PTPRN2: variants seen among roughly 807,000 people sequenced by gnomAD.
The protein encoded by PTPRN2 is protein tyrosine phosphatase receptor type N2.
A neutral mutation model predicts 118.8 loss-of-function variants in PTPRN2; 74 were observed. That is an observed-to-expected ratio of 0.62 (90% CI 0.52 to 0.76). PTPRN2 has a LOEUF of 0.76. PTPRN2 is among the 30% of genes least tolerant of loss of function. The pLI is 0.00. For synonymous variants in PTPRN2, 641 were observed against 608.0 expected (o/e 1.05, Z -0.80); for missense variants, 1,481 against 1,394.4 (o/e 1.06, Z -0.99).
Position 157,596,391 on chromosome 7 carries a change from C to T in PTPRN2, c.2419-1076G>A, listed in dbSNP as rs190539346. ...ACAAAGAGGGCAGGTGTGGGCTCTC[C>T]GGCTCCCCAGTTTGTCCGAACGCAT... On this transcript the variant is annotated intron_variant, in intron 16 of 22. Coordinates refer to ENST00000389418, the MANE Select transcript of PTPRN2 (RefSeq NM_002847.5). The surrounding 1 kb of genome is among the most constrained non-coding windows in gnomAD (Gnocchi z 4.2). Among the ~76,000 whole-genome samples, 11 of 152,296 alleles carry T rather than the reference C, an allele frequency of 7.2e-5. No individual in the cohort carries two copies. The highest frequency in any genetic ancestry group is 2.2e-4 in the African/African-American group (9 of 41,558).
At chr7:158,417,063 A>G (rs11983338) in intron 2 of PTPRN2, among the ~76,000 whole-genome samples, 66,616 of 151,046 alleles carry the variant, frequency 0.44, 15,794 homozygotes, top group East Asian at 0.76. Flanking sequence ...GCACTACATC[A>G]AGATGCTGCA....
chr7:158,034,111 C>G (rs1029140807), intron 11 of PTPRN2, among the ~76,000 whole-genome samples: 6 of 145,866 alleles, frequency 4.1e-5, no homozygotes, highest in African/African-American at 1.5e-4. Context: ...CAGCAATGCT[C>G]TGCGTGTGGC....
At chr7:158,209,906 CT>C (rs1313917927) in intron 3 of PTPRN2, among the ~76,000 whole-genome samples, 2 of 152,124 alleles carry the variant, frequency 1.3e-5, no homozygotes, top group African/African-American at 4.8e-5. Context: ...ATTTTGGAAA[CT>C]ATACAAACAC....
intron 11 of PTPRN2, among the ~76,000 whole-genome samples, chr7:158,008,007 C>T (rs771074616): frequency 8.6e-6 from 1 of 116,542 alleles, no homozygotes. Context: ...TACTTGTGCA[C>T]GTGTGAGTGT....
At chr7:158,257,450 G>A (rs556434068) in intron 3 of PTPRN2, among the ~76,000 whole-genome samples, 1 of 152,298 alleles carries the variant, frequency 6.6e-6, no homozygotes, top group African/African-American at 2.4e-5. Flanking sequence ...TCTTTTTCTT[G>A]TTACTCTGAC....
Position 157,687,596 on chromosome 7 carries a change from C to A in PTPRN2, c.1789-4659G>T, listed in dbSNP as rs957774155. On this transcript the variant is annotated intron_variant, in intron 12 of 22. Transcript: ENST00000389418. ...CATTTAAATTACTAAATTATAAATA[C>A]CTTTTTCTCTTAAAACTTAGAAGTC... Among the ~76,000 whole-genome samples, 6 of 152,172 alleles carry A rather than the reference C, an allele frequency of 3.9e-5. 1 individual carries two copies. Among genetic ancestry groups the A allele is most frequent in the Admixed American group, 1.3e-4 (2 of 15,282 alleles).
chr7:158,347,760 GC>G (rs1807624480), intron 2 of PTPRN2, among the ~76,000 whole-genome samples: 1 of 152,122 alleles, frequency 6.6e-6, no homozygotes, highest in African/African-American at 2.4e-5. Context: ...CTATTTATTT[GC>G]CTTGTCTTCC....
intron 16 of PTPRN2, among the ~76,000 whole-genome samples, chr7:157,599,891 A>C (rs1467419931): frequency 3.6e-5 from 4 of 111,766 alleles, no homozygotes; most frequent in African/African-American, 1.1e-4. Flanking sequence ...CCACCTGCCC[A>C]CCTCTCCACC....
At chr7:158,302,450 A>T (rs561110933) in intron 3 of PTPRN2, among the ~76,000 whole-genome samples, 5 of 152,286 alleles carry the variant, frequency 3.3e-5, no homozygotes, top group South Asian at 2.1e-4. Flanking sequence ...GGTCCTCTTA[A>T]ACTGCATTCC....
At chr7:158,407,219 T>C (rs878999061) in intron 2 of PTPRN2, among the ~76,000 whole-genome samples, 1,790 of 31,362 alleles carry the variant, frequency 0.057, 78 homozygotes, top group Non-Finnish European at 0.079. Flanking sequence ...TCCTGCGTCC[T>C]GCGTCCTGGG....
At chr7:157,952,393 G>A (rs1390065291) in intron 11 of PTPRN2, among the ~76,000 whole-genome samples, 3 of 134,138 alleles carry the variant, frequency 2.2e-5, no homozygotes, top group Admixed American at 7.3e-5. Flanking sequence ...TGGGTAGTGT[G>A]CATCCCTGAG....
At chr7:158,146,961 C>A (rs1585617519) in intron 6 of PTPRN2, among the ~76,000 whole-genome samples, 5 of 143,884 alleles carry the variant, frequency 3.5e-5, no homozygotes, top group South Asian at 2.3e-4. Context: ...TCAATGACAC[C>A]CCATCTCACG....
chr7:157,693,116 G>A (rs999215059), intron 12 of PTPRN2, among the ~76,000 whole-genome samples: 2 of 151,868 alleles, frequency 1.3e-5, no homozygotes, highest in African/African-American at 2.4e-5. Flanking sequence ...GGACTCGGGA[G>A]CCGGGGCGGG....
chr7:158,123,077 T>G (rs530795826), intron 9 of PTPRN2, among the ~76,000 whole-genome samples: 2 of 152,246 alleles, frequency 1.3e-5, no homozygotes, highest in Admixed American at 1.3e-4. Context: ...GAGCCAAATG[T>G]GAAGGGAAAA....
chr7:158,506,249 AG>A (rs976060119), intron 1 of PTPRN2, among the ~76,000 whole-genome samples: 60 of 152,332 alleles, frequency 3.9e-4, no homozygotes, highest in Non-Finnish European at 2.5e-4. Context: ...GACACACACA[AG>A]GAAGTCCCCT....
At chr7:158,007,310 G>T (rs574180545) in intron 11 of PTPRN2, among the ~76,000 whole-genome samples, 6 of 152,320 alleles carry the variant, frequency 3.9e-5, no homozygotes, top group African/African-American at 1.2e-4. Flanking sequence ...GGTGCTGGGG[G>T]TGGGCAGGAA....
Position 157,815,463 on chromosome 7 carries a change from A to C in PTPRN2, c.1788+83210T>G, listed in dbSNP as rs191499405. Among the ~76,000 whole-genome samples, 1,262 of 152,306 alleles carry C rather than the reference A, an allele frequency of 8.3e-3. 70 individuals carry two copies. The South Asian group carries it at 0.15, about 18-fold the overall frequency. Reference sequence around the variant, plus strand: ...GCCACTTAGAGAAGCACCGCTGCCGAGGTGGGAAAGCCGGAGTCCCAGCCA... The same window carrying C: ...GCCACTTAGAGAAGCACCGCTGCCGCGGTGGGAAAGCCGGAGTCCCAGCCA... On this transcript the variant is annotated intron_variant, in intron 12 of 22. Transcript: ENST00000389418.
At position 158,529,445 on chromosome 7, in the gene PTPRN2, A is replaced by C. The variant is rs1825048420; in HGVS notation, c.113-39660T>G. Among the ~76,000 whole-genome samples the C allele has an allele frequency of 6.6e-6, 1 of 152,234 alleles. No individual in the cohort carries two copies. Among genetic ancestry groups the C allele is most frequent in the Admixed American group, 6.5e-5 (1 of 15,288 alleles). ...ACCAGGACACCCCCAAGGACAGGGA[A>C]GGTGCTGCTGACCACGGCCAGCAAC... On this transcript the variant is annotated intron_variant, in intron 1 of 22. Coordinates refer to ENST00000389418, the MANE Select transcript of PTPRN2 (RefSeq NM_002847.5). The surrounding 1 kb of genome is among the most constrained non-coding windows in gnomAD (Gnocchi z 4.7).
intron 1 of PTPRN2, among the ~76,000 whole-genome samples, chr7:158,556,803 T>A (rs1827036158): frequency 7.4e-6 from 1 of 135,568 alleles, no homozygotes; most frequent in Non-Finnish European, 1.5e-5. Context: ...GTCAGGCGGC[T>A]CCCGCGCAGG....
Sources: gnomAD v4.1 joint callset for allele counts (sites outside exome capture counted in the v4.1 genomes callset) on GRCh38, gnomAD v4.1.1 for gene constraint, Gnocchi (gnomAD v3.1) non-coding constraint, MANE v1.5 for transcripts, NCBI Gene and HGNC (gene_info 2026-07-23, HGNC 2026-07-21) for gene names.